Variants in TSBP1 observed in about 807,000 individuals in gnomAD.
The protein encoded by TSBP1 is testis-expressed basic protein 1.
A neutral mutation model predicts 68.8 loss-of-function variants in TSBP1; 56 were observed. The observed-to-expected ratio is 0.81, with a 90% CI of 0.66 to 1.02. The LOEUF is 1.02. Ranked by LOEUF, TSBP1 falls within the 50% of genes least tolerant of loss-of-function variation. The pLI, the probability that TSBP1 is intolerant of heterozygous loss-of-function variation, is 0.00. For synonymous variants in TSBP1, 171 were observed against 208.7 expected (o/e 0.82, Z 1.56); for missense variants, 502 against 641.2 (o/e 0.78, Z 2.34).
At chr6:32,334,019 A>G (rs1289841575) in intron 14 of TSBP1, 1 of 268,074 alleles carries the variant, frequency 3.7e-6, no homozygotes, top group Non-Finnish European at 7.7e-6. Flanking sequence ...TTTGATTCTG[A>G]AGTAGAAGTC....
chr6:32,330,595 A>G (rs9405090), exon 16 of TSBP1: 609,897 of 1,591,418 alleles, frequency 0.38, 123,788 homozygotes, highest in Middle Eastern at 0.56. Flanking sequence ...TTACCATTGG[A>G]TCCAGGATAT....
At chr6:32,363,809 C>T (rs1313141393) in intron 6 of TSBP1, among the ~76,000 whole-genome samples, 1 of 152,004 alleles carries the variant, frequency 6.6e-6, no homozygotes, top group Non-Finnish European at 1.5e-5. Context: ...TCTGAATTGA[C>T]TGTATATTTA....
In TSBP1 at chr6:32,335,963, G is replaced by C; in HGVS notation, c.431-31C>G. On this transcript the variant is annotated intron_variant, in intron 12 of 22. Coordinates refer to ENST00000612031, the Ensembl canonical transcript of TSBP1. This position sits in a 1 kb window ranked among gnomAD's most constrained non-coding sequence, Gnocchi z 5.5. ...AGAGAGAAAGAGGGAGAAAGAAAAAGATATCAGTATGCTTCACCACTGTGA... is the reference window on the plus strand; with the variant it reads ...AGAGAGAAAGAGGGAGAAAGAAAAACATATCAGTATGCTTCACCACTGTGA... The C allele has an allele frequency of 6.3e-7, 1 of 1,593,040 alleles. No homozygotes were observed. Among genetic ancestry groups the C allele is most frequent in the Non-Finnish European group, 8.6e-7 (1 of 1,165,660 alleles).
chr6:32,309,837 A>G (rs1008203828), intron 19 of TSBP1, among the ~76,000 whole-genome samples: 2 of 152,180 alleles, frequency 1.3e-5, no homozygotes, highest in African/African-American at 4.8e-5. Context: ...CAAATATTAG[A>G]TCTTATCCAT....
intron 16 of TSBP1, among the ~76,000 whole-genome samples, chr6:32,326,871 C>T (rs1462550534): frequency 6.6e-6 from 1 of 152,176 alleles, no homozygotes; most frequent in Non-Finnish European, 1.5e-5. Flanking sequence ...TAGGAGGCTG[C>T]AGGAAAGGGA....
At chr6:32,371,562 GA>G (rs5875366) in intron 1 of TSBP1, 131 bp downstream of exon 1, 1 of 760,286 alleles carries the variant, frequency 1.3e-6, no homozygotes, top group Non-Finnish European at 2.3e-6. Context: ...AAGAGTGAAA[GA>G]AAAAATACTG....
intron 4 of TSBP1, among the ~76,000 whole-genome samples, chr6:32,367,127 TG>T (rs1280133790): frequency 1.3e-5 from 2 of 151,684 alleles, no homozygotes; most frequent in African/African-American, 4.8e-5. Context: ...CTGGTGTAGC[TG>T]GTGGGCCTGG....
In TSBP1 at chr6:32,302,017, T is replaced by C. The variant is rs889942422; in HGVS notation, c.601+592A>G. 4.0e-5 allele frequency among the ~76,000 whole-genome samples: 6 copies of C among 150,492 alleles called. No individual in the cohort carries two copies. Among genetic ancestry groups the C allele is most frequent in the African/African-American group, 7.3e-5 (3 of 41,202 alleles). On this transcript the variant is annotated intron_variant, in intron 20 of 22. Coordinates refer to ENST00000612031, the Ensembl canonical transcript of TSBP1. The surrounding 1 kb of genome is among the most constrained non-coding windows in gnomAD (Gnocchi z 5.1). ...AATATTTTGTGGCACATGAAAATTG[T>C]ATGAAATTCAAATTTCAATGTCTAA...
chr6:32,358,351 T>A (rs1037804908), intron 6 of TSBP1, among the ~76,000 whole-genome samples: 5 of 152,170 alleles, frequency 3.3e-5, no homozygotes, highest in Admixed American at 6.5e-5. Context: ...CTTTGCACCC[T>A]TGGAATTTTA....
In TSBP1 at chr6:32,292,781, T is replaced by C; in HGVS notation, c.*200A>G. The C allele has an allele frequency of 1.9e-6, 1 of 540,446 alleles. No individual in the cohort carries two copies. The highest frequency in any genetic ancestry group is 3.2e-6 in the Non-Finnish European group (1 of 310,854). The allele number at this position is 540,446 out of a possible 1,614,324, so 33.5% of individuals were successfully genotyped here. A position where few individuals can be genotyped will look rare whatever the true frequency, so the allele number is the denominator to read the frequency against. ...ACGGAATCATATACGTCTTAACTTATAAAACAAATATTTGGAAACTGAGGT... is the reference window on the plus strand; with the variant it reads ...ACGGAATCATATACGTCTTAACTTACAAAACAAATATTTGGAAACTGAGGT... On this transcript the variant is annotated 3_prime_UTR_variant, in exon 23 of 23. Transcript: ENST00000612031. This position sits in a 1 kb window ranked among gnomAD's most constrained non-coding sequence, Gnocchi z 4.1.
chr6:32,371,100 C>A (rs1774369934), intron 1 of TSBP1, among the ~76,000 whole-genome samples: 1 of 152,096 alleles, frequency 6.6e-6, no homozygotes, highest in South Asian at 2.1e-4. Context: ...ATTCTCCTGC[C>A]AAATCAACTT....
At chr6:32,295,063 C>T (rs1764544657) in intron 22 of TSBP1, among the ~76,000 whole-genome samples, 1 of 151,930 alleles carries the variant, frequency 6.6e-6, no homozygotes, top group African/African-American at 2.4e-5. Flanking sequence ...GGGCTGGGGG[C>T]AGTGGCTCAC....
rs1562143676 is a variant in TSBP1, at chr6:32,340,688, AAATT to A, written c.350-1054_350-1051del. On this transcript the variant is annotated intron_variant, in intron 9 of 22. Transcript: ENST00000612031. The surrounding 1 kb of genome is among the most constrained non-coding windows in gnomAD (Gnocchi z 4.8). ...GCTGAGCAGGAAAGAGAATCATGAT[AAATT>A]ACTGATTTCTGCCACAGGCAAAGGC... Among the ~76,000 whole-genome samples the A allele has an allele frequency of 6.6e-6, 1 of 152,074 alleles. No individual in the cohort carries two copies. The highest frequency in any genetic ancestry group is 1.5e-5 in the Non-Finnish European group (1 of 68,032).
intron 19 of TSBP1, among the ~76,000 whole-genome samples, chr6:32,310,123 C>T (rs1766235169): frequency 1.3e-5 from 2 of 152,142 alleles, no homozygotes; most frequent in Non-Finnish European, 2.9e-5. Flanking sequence ...TGTATTCTGG[C>T]ACATATTATT....
intron 8 of TSBP1, among the ~76,000 whole-genome samples, chr6:32,354,126 G>A (rs866174675): frequency 6.6e-6 from 1 of 151,890 alleles, no homozygotes; most frequent in Non-Finnish European, 1.5e-5. Context: ...CCTTCTAAAA[G>A]TCAAGAGACA....
chr6:32,302,410 C>T lies in TSBP1; in HGVS notation c.601+199G>A, dbSNP rs1288330724. ...TGGAGGTTGTAGTGAACTATGATCA[C>T]ACCACTGCACTCCAGGCTAGGTGAC... On this transcript the variant is annotated intron_variant, in intron 20 of 22. Transcript: ENST00000612031. This position sits in a 1 kb window ranked among gnomAD's most constrained non-coding sequence, Gnocchi z 5.1. Among the ~76,000 whole-genome samples the T allele has an allele frequency of 2.0e-5, 3 of 152,096 alleles. No homozygotes were observed. Among genetic ancestry groups the T allele is most frequent in the Non-Finnish European group, 4.4e-5 (3 of 68,020 alleles).
chr6:32,350,796 G>A (rs1771629343), intron 8 of TSBP1, among the ~76,000 whole-genome samples: 1 of 152,180 alleles, frequency 6.6e-6, no homozygotes, highest in African/African-American at 2.4e-5. Context: ...GGGAGAGGGA[G>A]ATAAAAGAGA....
intron 8 of TSBP1, among the ~76,000 whole-genome samples, chr6:32,351,136 T>C (rs985204947): frequency 2.0e-5 from 3 of 152,198 alleles, no homozygotes; most frequent in Non-Finnish European, 4.4e-5. Flanking sequence ...TACAACGTGG[T>C]TGACTATTTC....
intron 1 of TSBP1, 143 bp downstream of exon 1, chr6:32,371,545 AATCAAT>A: frequency 1.5e-6 from 1 of 676,412 alleles, no homozygotes; most frequent in South Asian, 1.8e-5. Flanking sequence ...CTTCCAGAGG[AATCAAT>A]AAGAGTGAAA....
Sources: gnomAD v4.1 joint callset for allele counts (sites outside exome capture counted in the v4.1 genomes callset) on GRCh38, gnomAD v4.1.1 for gene constraint, Gnocchi (gnomAD v3.1) non-coding constraint, MANE v1.5 for transcripts, NCBI Gene and HGNC (gene_info 2026-07-23, HGNC 2026-07-21) for gene names.